The following SPEG variants were observed in gnomAD, a reference collection of about 807,000 sequenced individuals.
The protein encoded by SPEG is striated muscle enriched protein kinase, also known as striated muscle preferentially expressed protein kinase.
SPEG carries 114 observed loss-of-function variants against 300.4 expected under a neutral mutation model. The ratio of observed to expected loss-of-function variants is 0.38; its 90% CI spans 0.33 to 0.44. SPEG has a LOEUF of 0.44. Among genes scored for constraint, SPEG ranks in the 20% least tolerant of loss-of-function variants. The pLI, the probability that SPEG is intolerant of heterozygous loss-of-function variation, is 1.00. For synonymous variants in SPEG, 1,964 were observed against 2,018.9 expected (o/e 0.97, Z 0.73); for missense variants, 4,201 against 4,586.2 (o/e 0.92, Z 2.43).
chr2:219,466,052 C>T, intron 9 of SPEG: 1 of 1,604,802 alleles, frequency 6.2e-7, no homozygotes, highest in Non-Finnish European at 8.5e-7. Context: ...TTTGTCTGTA[C>T]ACAGGCGAGT....
rs749888955 is a variant in SPEG, at chr2:219,488,288, A to C, written c.7836A>C (p.Ala2612=). The change falls in exon 32 of 41, where the codon GCA becomes GCC. Residue 2612 remains alanine (A), a synonymous_variant. Coordinates refer to ENST00000312358, the MANE Select transcript of SPEG (RefSeq NM_005876.5). ...TLLCLPAACP[A]PHISWMKDKK... Reference sequence around the variant, plus strand: ...TCTGCCTGCCAGCGGCCTGCCCTGCACCGCACATCTCCTGGATGAAAGGTA... The same window carrying C: ...TCTGCCTGCCAGCGGCCTGCCCTGCCCCGCACATCTCCTGGATGAAAGGTA... 1 of 1,612,204 alleles carries C rather than the reference A, an allele frequency of 6.2e-7. No individual in the cohort carries two copies. The highest frequency in any genetic ancestry group is 8.5e-7 in the Non-Finnish European group (1 of 1,179,200).
intron 6 of SPEG, among the ~76,000 whole-genome samples, chr2:219,453,726 A>G (rs1278122410): frequency 6.6e-6 from 1 of 152,222 alleles, no homozygotes; most frequent in Non-Finnish European, 1.5e-5. Flanking sequence ...CGGGGGCCCC[A>G]GGGCCTGGGG....
At position 219,461,871 on chromosome 2, in the gene SPEG, T is replaced by C; in HGVS notation, c.2441-11T>C. ...CCTTCCTCCCTGGTAGCTATCTCTG[T>C]CTCTCTCCAGGTGGGTCTACATCCC... On this transcript the variant is annotated splice_polypyrimidine_tract_variant and intron_variant, in intron 6 of 40. Coordinates refer to ENST00000312358, the MANE Select transcript of SPEG (RefSeq NM_005876.5). 1.2e-6 allele frequency: 2 copies of C among 1,612,114 alleles called. No individual in the cohort carries two copies. The highest frequency in any genetic ancestry group is 4.5e-5 in the East Asian group (2 of 44,822).
chr2:219,448,637 C>T lies in SPEG; in HGVS notation c.1479C>T (p.Arg493=). ...QRSPASDLEL[R]FAQELGRIRR... ...GCCCGGCCTCAGACCTCGAGCTGCG[C>T]TTCGCCCAGGAGCTGGGCCGCATCC... The change falls in exon 4 of 41, where the codon CGC becomes CGT. Residue 493 remains arginine (R), a synonymous_variant. Coordinates refer to ENST00000312358, the MANE Select transcript of SPEG (RefSeq NM_005876.5). 1 of 1,485,278 alleles carries T rather than the reference C, an allele frequency of 6.7e-7. No individual in the cohort carries two copies. Among genetic ancestry groups the T allele is most frequent in the Non-Finnish European group, 8.9e-7 (1 of 1,125,908 alleles). 92.0% of individuals were successfully genotyped at this position (1,485,278 alleles called of 1,614,324 possible).
chr2:219,474,803 T>C (rs993290164), intron 18 of SPEG, among the ~76,000 whole-genome samples: 1 of 150,792 alleles, frequency 6.6e-6, no homozygotes, highest in African/African-American at 2.4e-5. Context: ...TTCTTTTTTT[T>C]TTTTTTTTTT....
rs770804163 is a variant in SPEG, at chr2:219,451,493, C to T, written c.2258-132C>T. On this transcript the variant is annotated intron_variant, in intron 5 of 40. Coordinates refer to ENST00000312358, the MANE Select transcript of SPEG (RefSeq NM_005876.5). This position sits in a 1 kb window ranked among gnomAD's most constrained non-coding sequence, Gnocchi z 6.4. ...CAACCTGAGCTTCCCAAAATGAGGG[C>T]GGACTCTTCCAGATTCCCTGGGGTG... The T allele has an allele frequency of 5.0e-5, 57 of 1,134,488 alleles. No individual in the cohort carries two copies. The highest frequency in any genetic ancestry group is 9.5e-5 in the Admixed American group (3 of 31,558). 70.3% of individuals were successfully genotyped at this position (1,134,488 alleles called of 1,614,324 possible).
Position 219,485,166 on chromosome 2 carries a change from C to T in SPEG, c.7609+94C>T, listed in dbSNP as rs1693272272. The T allele has an allele frequency of 2.0e-6, 3 of 1,497,554 alleles. No homozygotes were observed. The African/African-American group carries it at 4.2e-5, about 21-fold the overall frequency. The allele number at this position is 1,497,554 out of a possible 1,614,324, so 92.8% of individuals were successfully genotyped here. A position where few individuals can be genotyped will look rare whatever the true frequency, so the allele number is the denominator to read the frequency against. On this transcript the variant is annotated intron_variant, in intron 30 of 40. Transcript: ENST00000312358. The stretch of plus-strand genomic sequence containing the variant: ...AGGAGCAGAGGGCTGGGGACACCCA[C>T]CAGGGGCAGGCTGAGGCCCCGAGGG...
chr2:219,454,062 C>T (rs573210853), intron 6 of SPEG, among the ~76,000 whole-genome samples: 1 of 152,284 alleles, frequency 6.6e-6, no homozygotes, highest in South Asian at 2.1e-4. Flanking sequence ...TGCTCCTTCC[C>T]CTCCCCCTCT....
Position 219,434,926 on chromosome 2 carries a change from G to GC in SPEG, c.-47dup. The GC allele has an allele frequency of 2.9e-6, 4 of 1,384,294 alleles. No individual in the cohort carries two copies. The highest frequency in any genetic ancestry group is 3.8e-6 in the Non-Finnish European group (4 of 1,055,840). 85.8% of individuals were successfully genotyped at this position (1,384,294 alleles called of 1,614,324 possible). A position where few individuals can be genotyped will look rare whatever the true frequency, so the allele number is the denominator to read the frequency against. On this transcript the variant is annotated 5_prime_UTR_variant, in exon 1 of 41. Transcript: ENST00000312358. ...TCTCCTAGGGCACCGTCCCGCGGGT[G>GC]CCCCCGTGGCCGCCCAGTTCCGGCG...
chr2:219,466,354 T>C, intron 9 of SPEG: 2 of 1,396,688 alleles, frequency 1.4e-6, no homozygotes, highest in Non-Finnish European at 1.9e-6. Context: ...ACCCCCCGAG[T>C]CTCTCCCTGA....
rs1243223692 is a variant in SPEG at position 219,467,287 on chromosome 2, G to A, written c.2995G>A (p.Val999Met). 22 of 1,610,260 alleles carry A rather than the reference G, an allele frequency of 1.4e-5. No individual in the cohort carries two copies. Among genetic ancestry groups the A allele is most frequent in the Non-Finnish European group, 1.9e-5 (22 of 1,179,654 alleles). The stretch of plus-strand genomic sequence containing the variant: ...GGTGGCGGGGCCCACTGACGTGGAG[G>A]TGGATTGGCTGTGCCGTGGCCGCCT... ...CLVAGPTDVEVDWLCRGRLLQ... is the reference protein window; with the variant it reads ...CLVAGPTDVEMDWLCRGRLLQ... Residue 999 changes from valine (V) to methionine (M), a missense_variant, in exon 10 of 41, where the codon GTG becomes ATG. Coordinates refer to ENST00000312358, the MANE Select transcript of SPEG (RefSeq NM_005876.5).
At chr2:219,441,969 G>GCC in intron 1 of SPEG, 1 of 328,714 alleles carries the variant, frequency 3.0e-6, no homozygotes, top group Non-Finnish European at 5.2e-6. Flanking sequence ...TCCCCAGCTC[G>GCC]CCCCCGGCCC....
In SPEG at chr2:219,468,972, G is replaced by A. The variant is rs748485339; in HGVS notation, c.3415G>A (p.Val1139Ile). The A allele has an allele frequency of 1.2e-6, 2 of 1,613,850 alleles. No homozygotes were observed. Among genetic ancestry groups the A allele is most frequent in the Admixed American group, 3.3e-5 (2 of 60,006 alleles). The change falls in exon 12 of 41, where the codon GTT becomes ATT. Residue 1139 changes from valine (V) to isoleucine (I), a missense_variant. This residue lies in a region of SPEG where 1,047 missense variants were observed against 1,356.8 expected (regional missense o/e 0.77). Coordinates refer to ENST00000312358, the MANE Select transcript of SPEG (RefSeq NM_005876.5). ...EDEGLYAVSA[V>I]NTHGQAHCSA... Reference sequence around the variant, plus strand: ...CGAGGGGCTCTATGCGGTCAGTGCTGTTAACACCCATGGCCAGGCCCACTG... The same window carrying A: ...CGAGGGGCTCTATGCGGTCAGTGCTATTAACACCCATGGCCAGGCCCACTG...
chr2:219,459,948 A>G lies in SPEG; in HGVS notation c.2441-1934A>G, dbSNP rs1184584206. Among the ~76,000 whole-genome samples, 1 of 152,170 alleles carries G rather than the reference A, an allele frequency of 6.6e-6. No individual in the cohort carries two copies. Among genetic ancestry groups the G allele is most frequent in the Admixed American group, 6.5e-5 (1 of 15,276 alleles). Reference sequence around the variant, plus strand: ...GCCCCGGGTTGCGGGGTGAGGTGATAGGAAGAGGGAGAAGGACATGTGACC... The same window carrying G: ...GCCCCGGGTTGCGGGGTGAGGTGATGGGAAGAGGGAGAAGGACATGTGACC... On this transcript the variant is annotated intron_variant, in intron 6 of 40. Transcript: ENST00000312358. The surrounding 1 kb of genome is among the most constrained non-coding windows in gnomAD (Gnocchi z 4.9).
rs1293589057 is a variant in SPEG, at chr2:219,445,244, A to C, written c.815+83A>C. ...TGCCCTCACTGCTCAGTCAGCCTCC[A>C]CCCATCACCCTGCCCCATCCATCTC... On this transcript the variant is annotated intron_variant, in intron 3 of 40. Transcript: ENST00000312358. This position sits in a 1 kb window ranked among gnomAD's most constrained non-coding sequence, Gnocchi z 6.1. 8.0e-7 allele frequency: 1 copy of C among 1,256,248 alleles called. No homozygotes were observed. The highest frequency in any genetic ancestry group is 2.5e-5 in the East Asian group (1 of 39,332). 77.8% of individuals were successfully genotyped at this position (1,256,248 alleles called of 1,614,324 possible).
chr2:219,440,208 C>G (rs1954822874), intron 1 of SPEG, among the ~76,000 whole-genome samples: 1 of 151,946 alleles, frequency 6.6e-6, no homozygotes, highest in Admixed American at 6.6e-5. Context: ...GATAATAAGA[C>G]TTCATCTCTA....
In SPEG at chr2:219,443,066, A is replaced by G. The variant is rs1308975473; in HGVS notation, c.389-1587A>G. 6.3e-6 allele frequency: 10 copies of G among 1,586,250 alleles called. No homozygotes were observed. The highest frequency in any genetic ancestry group is 8.6e-6 in the Non-Finnish European group (10 of 1,160,034). On this transcript the variant is annotated intron_variant, in intron 1 of 40. Coordinates refer to ENST00000312358, the MANE Select transcript of SPEG (RefSeq NM_005876.5). This position sits in a 1 kb window ranked among gnomAD's most constrained non-coding sequence, Gnocchi z 4.6. ...TGGGAGGCACAGGGACCTTAGGAACAAGCCTCCCCCTCAACTACTCATTCT... is the reference window on the plus strand; with the variant it reads ...TGGGAGGCACAGGGACCTTAGGAACGAGCCTCCCCCTCAACTACTCATTCT...
intron 31 of SPEG, among the ~76,000 whole-genome samples, chr2:219,485,716 T>C (rs1693353241): frequency 6.6e-6 from 1 of 152,204 alleles, no homozygotes; most frequent in Admixed American, 6.5e-5. Flanking sequence ...GAAATATTAG[T>C]ATCATTGTCT....
chr2:219,488,420 T>C (rs1693643467), intron 32 of SPEG, 78 bp from the exon 33 acceptor site: 2 of 1,506,150 alleles, frequency 1.3e-6, no homozygotes, highest in South Asian at 1.3e-5. Flanking sequence ...GGGGGGATGC[T>C]GGAGTGGGGA....
Sources: gnomAD v4.1 joint callset for allele counts (sites outside exome capture counted in the v4.1 genomes callset) on GRCh38, gnomAD v4.1.1 for gene constraint, gnomAD v4.1.1 regional missense constraint, Gnocchi (gnomAD v3.1) non-coding constraint, MANE v1.5 for transcripts, NCBI Gene and HGNC (gene_info 2026-07-23, HGNC 2026-07-21) for gene names.